Variants in NEO1 observed in about 807,000 individuals in gnomAD.
NEO1 encodes the protein neogenin.
NEO1 carries 63 observed loss-of-function variants against 159.7 expected under a neutral mutation model. The ratio of observed to expected loss-of-function variants is 0.39; its 90% CI spans 0.32 to 0.49. The LOEUF (loss-of-function observed/expected upper bound fraction) is 0.49, where lower values mean the gene tolerates loss of function less well. Ranked by LOEUF, NEO1 falls within the 20% of genes least tolerant of loss-of-function variation. The probability of loss-of-function intolerance (pLI) is 0.85; values close to 1 mark genes in which losing one functional copy is unlikely to be tolerated. For synonymous variants in NEO1, 633 were observed against 662.0 expected, an observed-to-expected ratio of 0.96 and a Z score of 0.67; for missense variants, 1,615 against 1,831.0, an observed-to-expected ratio of 0.88 and a Z score of 2.15.
intron 21 of NEO1, 129 bp from the exon 22 acceptor site, chr15:73,278,002 C>T (rs1359502564): frequency 1.2e-5 from 8 of 692,722 alleles, no homozygotes; most frequent in East Asian, 7.7e-5. Context: ...GATTTATGTG[C>T]TACTTTATTT....
chr15:73,116,875 T>TA lies in NEO1; in HGVS notation c.448+18_448+19insA, dbSNP rs1427264173. The TA allele has an allele frequency of 6.6e-7, 1 of 1,516,634 alleles. No individual in the cohort carries two copies. Among genetic ancestry groups the TA allele is most frequent in the Non-Finnish European group, 8.8e-7 (1 of 1,134,540 alleles). The allele number at this position is 1,516,634 out of a possible 1,614,324, so 93.9% of individuals were successfully genotyped here. A position where few individuals can be genotyped will look rare whatever the true frequency, so the allele number is the denominator to read the frequency against. ...AGTAGCAGGTAAGTTTTAAGTGATT[T>TA]TTTTTTTTGCATTTTCAAATATTTA... On this transcript the variant is annotated intron_variant, in intron 2 of 28. Transcript: ENST00000261908.
chr15:73,123,030 G>A (rs1394114024), intron 3 of NEO1, among the ~76,000 whole-genome samples: 1 of 151,900 alleles, frequency 6.6e-6, no homozygotes, highest in African/African-American at 2.4e-5. Context: ...GGTGGCAGGC[G>A]CTTATAACTC....
At chr15:73,161,290 A>G (rs538484771) in intron 5 of NEO1, among the ~76,000 whole-genome samples, 2 of 152,326 alleles carry the variant, frequency 1.3e-5, no homozygotes, top group South Asian at 4.1e-4. Context: ...AAGAAATGAG[A>G]TACAAATCCA....
chr15:73,189,968 A>G (rs1221164215), intron 7 of NEO1, among the ~76,000 whole-genome samples: 2 of 152,156 alleles, frequency 1.3e-5, no homozygotes, highest in East Asian at 1.9e-4. Flanking sequence ...AAGATCTTGT[A>G]TCTTTTAAAA....
chr15:73,141,840 C>T (rs1023674074), intron 5 of NEO1, among the ~76,000 whole-genome samples: 1 of 152,164 alleles, frequency 6.6e-6, no homozygotes, highest in Non-Finnish European at 1.5e-5. Flanking sequence ...TCTTAGTTCT[C>T]TTGGCTTCGG....
intron 1 of NEO1, among the ~76,000 whole-genome samples, chr15:73,058,075 A>C (rs1404085759): frequency 6.6e-6 from 1 of 152,088 alleles, no homozygotes; most frequent in African/African-American, 2.4e-5. Flanking sequence ...TGTTTTTTCA[A>C]CTTGCTTTTT....
intron 1 of NEO1, among the ~76,000 whole-genome samples, chr15:73,080,067 G>C (rs1337290281): frequency 6.6e-6 from 1 of 152,144 alleles, no homozygotes; most frequent in Non-Finnish European, 1.5e-5. Flanking sequence ...AACCCAGTAG[G>C]GAAAACTGTT....
intron 1 of NEO1, among the ~76,000 whole-genome samples, chr15:73,055,321 G>C (rs1422714264): frequency 1.3e-5 from 2 of 152,144 alleles, no homozygotes; most frequent in East Asian, 1.9e-4. Flanking sequence ...TGCCTTACAG[G>C]GTAGTCCATT....
chr15:73,122,647 C>T lies in NEO1; in HGVS notation c.571C>T (p.Pro191Ser). 6.2e-7 allele frequency: 1 copy of T among 1,614,164 alleles called. No individual in the cohort carries two copies. Among genetic ancestry groups the T allele is most frequent in the African/African-American group, 1.3e-5 (1 of 75,030 alleles). ...PFVRWEQNRQ[P>S]LLLDDRVIKL... ...TGTGAGGTGGGAACAGAACAGACAA[C>T]CCCTTCTTCTGGATGATAGAGTTAT... is the stretch of plus-strand genomic sequence containing the variant. Residue 191 changes from proline (P) to serine (S), a missense_variant, in exon 3 of 29, where the codon CCC (proline) becomes TCC (serine). By Grantham distance (74) the Pro-to-Ser change is moderately conservative. Coordinates refer to ENST00000261908, the MANE Select transcript of NEO1 (RefSeq NM_002499.4).
At chr15:73,052,297 CCCCCCGCCCCCG>C (rs528003048), upstream of NEO1, among the ~76,000 whole-genome samples, 175 of 139,028 alleles carry the variant, frequency 1.3e-3, 1 homozygote, top group African/African-American at 4.2e-3. Context: ...GGGACTCCCG[CCCCCCGCCCCCG>C]CCCCCGCCCC....
chr15:73,170,537 G>A (rs1192200369), intron 5 of NEO1, among the ~76,000 whole-genome samples: 1 of 152,174 alleles, frequency 6.6e-6, no homozygotes, highest in Non-Finnish European at 1.5e-5. Flanking sequence ...CTGTGTTCAG[G>A]TTTCCTCCAT....
intron 5 of NEO1, among the ~76,000 whole-genome samples, chr15:73,157,167 C>T (rs1397057676): frequency 6.6e-6 from 1 of 152,222 alleles, no homozygotes. Context: ...TGGCAGCTCT[C>T]CTCCTGCTCA....
At chr15:73,155,586 A>C (rs2033717153) in intron 5 of NEO1, among the ~76,000 whole-genome samples, 1 of 152,180 alleles carries the variant, frequency 6.6e-6, no homozygotes, top group Non-Finnish European at 1.5e-5. Flanking sequence ...CTTTCCCCTC[A>C]GGAATACCCG....
At chr15:73,212,072 T>C (rs752637819) in intron 7 of NEO1, among the ~76,000 whole-genome samples, 10 of 152,236 alleles carry the variant, frequency 6.6e-5, no homozygotes, top group Non-Finnish European at 1.5e-4. Context: ...CAGCATGTCC[T>C]GTTATTTGGT....
intron 4 of NEO1, among the ~76,000 whole-genome samples, chr15:73,131,646 C>T (rs1244839486): frequency 6.6e-6 from 1 of 152,206 alleles, no homozygotes; most frequent in Non-Finnish European, 1.5e-5. Context: ...GGCCTCATTC[C>T]AAATACACCT....
chr15:73,226,152 G>A (rs531426912), intron 7 of NEO1, among the ~76,000 whole-genome samples: 148 of 152,310 alleles, frequency 9.7e-4, no homozygotes, highest in Non-Finnish European at 1.2e-4. Context: ...TATTTGGGGT[G>A]TCTCCCAGGT....
intron 1 of NEO1, among the ~76,000 whole-genome samples, chr15:73,103,211 A>G (rs918061677): frequency 2.0e-4 from 30 of 152,308 alleles, no homozygotes; most frequent in Non-Finnish European, 4.1e-4. Context: ...TCCATTTGGC[A>G]GTAAGAATGA....
At position 73,132,369 on chromosome 15, in the gene NEO1, C is replaced by T. The variant is rs190583250; in HGVS notation, c.879-3522C>T. On this transcript the variant is annotated intron_variant, in intron 4 of 28. Coordinates refer to ENST00000261908, the MANE Select transcript of NEO1 (RefSeq NM_002499.4). Reference sequence around the variant, plus strand: ...TTTTCCCATCCTTTTTTTGTTTCTTCACGAAGTCTGAGTGTGTCATTACTC... The same window carrying T: ...TTTTCCCATCCTTTTTTTGTTTCTTTACGAAGTCTGAGTGTGTCATTACTC... 1.1e-4 allele frequency among the ~76,000 whole-genome samples: 17 copies of T among 151,876 alleles called. 1 individual carries two copies. The highest frequency in any genetic ancestry group is 1.0e-3 in the Admixed American group (16 of 15,278).
chr15:73,139,805 T>C (rs148087213), intron 5 of NEO1, among the ~76,000 whole-genome samples: 1 of 152,390 alleles, frequency 6.6e-6, no homozygotes, highest in East Asian at 1.9e-4. Flanking sequence ...ATTTATGTAT[T>C]GCCTATGGCT....
Sources: gnomAD v4.1 joint callset for allele counts (sites outside exome capture counted in the v4.1 genomes callset) on GRCh38, gnomAD v4.1.1 for gene constraint, MANE v1.5 for transcripts, NCBI Gene and HGNC (gene_info 2026-07-23, HGNC 2026-07-21) for gene names.